Variants in SETD2 observed in about 807,000 individuals in gnomAD.
The protein encoded by SETD2 is SET domain containing 2, histone lysine methyltransferase.
SETD2 carries 31 observed loss-of-function variants against 242.1 expected under a neutral mutation model. That is an observed-to-expected ratio of 0.13 (90% confidence interval 0.10 to 0.17). The LOEUF (loss-of-function observed/expected upper bound fraction) is 0.17, where lower values mean the gene tolerates loss of function less well. Among genes scored for constraint, SETD2 ranks in the 10% least tolerant of loss-of-function variants. The pLI is 1.00. For synonymous variants in SETD2, 1,006 were observed against 1,066.5 expected, an observed-to-expected ratio of 0.94 and a Z score of 1.11; for missense variants, 2,481 against 3,046.3, an observed-to-expected ratio of 0.81 and a Z score of 4.37.
At chr3:47,041,386 G>A (rs1483213221) in intron 17 of SETD2, 8 of 447,558 alleles carry the variant, frequency 1.8e-5, no homozygotes, top group East Asian at 7.3e-5. Flanking sequence ...GGTGCCTCAC[G>A]CCTGTCATCC....
chr3:47,148,613 A>T (rs1358536323), intron 1 of SETD2, among the ~76,000 whole-genome samples: 1 of 152,244 alleles, frequency 6.6e-6, no homozygotes, highest in African/African-American at 2.4e-5. Context: ...ATGAACTTCA[A>T]ATAAATGCAC....
chr3:47,090,428 C>T (rs1369188451), intron 9 of SETD2, among the ~76,000 whole-genome samples: 5 of 151,906 alleles, frequency 3.3e-5, no homozygotes, highest in Admixed American at 1.3e-4. Context: ...TTCGCTCTGT[C>T]GCCCAGACTG....
chr3:47,162,824 T>A (rs1697530607), intron 1 of SETD2, among the ~76,000 whole-genome samples: 1 of 152,202 alleles, frequency 6.6e-6, no homozygotes, highest in Non-Finnish European at 1.5e-5. Flanking sequence ...AACAATGGTC[T>A]CGTGAGGGTT....
chr3:47,056,362 G>A (rs2040081860), intron 15 of SETD2, among the ~76,000 whole-genome samples: 10 of 151,860 alleles, frequency 6.6e-5, no homozygotes, highest in Admixed American at 6.6e-4. Flanking sequence ...CCTGACTTCA[G>A]GTGATCCGTC....
intron 16 of SETD2, among the ~76,000 whole-genome samples, 190 bp downstream of exon 16, chr3:47,046,297 G>T (rs1413050470): frequency 1.3e-5 from 2 of 148,518 alleles, no homozygotes; most frequent in Non-Finnish European, 3.0e-5. Context: ...AGATTGTGCC[G>T]CTGCACTCCA....
chr3:47,123,304 C>T lies in SETD2; in HGVS notation c.1332G>A (p.Thr444=), dbSNP rs1443239882. 23 of 1,551,606 alleles carry T rather than the reference C, an allele frequency of 1.5e-5. No homozygotes were observed. Among genetic ancestry groups the T allele is most frequent in the African/African-American group, 6.9e-5 (5 of 72,982 alleles). ...YHRSSPYRER[T]RYSRPYTDNR... ...TATCTGTGTATGGCCGAGAATAGCG[C>T]GTCCTCTCTCGATAAGGGGAGCTCC... is the stretch of plus-strand genomic sequence containing the variant. The change falls in exon 3 of 21, where the codon ACG becomes ACA. Residue 444 remains threonine, a synonymous_variant. Coordinates refer to ENST00000409792, the MANE Select transcript of SETD2 (RefSeq NM_014159.7).
intron 14 of SETD2, among the ~76,000 whole-genome samples, chr3:47,061,904 T>G (rs1280170288): frequency 3.3e-5 from 5 of 152,212 alleles, no homozygotes; most frequent in African/African-American, 1.2e-4. Flanking sequence ...AGAACAAATC[T>G]TTGGCTCCCA....
chr3:47,092,676 G>T (rs1317821194), intron 9 of SETD2, among the ~76,000 whole-genome samples: 2 of 151,736 alleles, frequency 1.3e-5, no homozygotes, highest in Non-Finnish European at 2.9e-5. Context: ...TGGCACTAAG[G>T]GGTCTAAGTA....
intron 18 of SETD2, among the ~76,000 whole-genome samples, chr3:47,021,609 T>C (rs1048812173): frequency 2.0e-5 from 3 of 151,904 alleles, no homozygotes; most frequent in African/African-American, 2.4e-5. Flanking sequence ...AAATGAGGGG[T>C]CCCCAGACTT....
Position 47,131,407 on chromosome 3 carries a change from G to T in SETD2, c.72-4744C>A, listed in dbSNP as rs899286485. Among the ~76,000 whole-genome samples the T allele has an allele frequency of 3.3e-5, 5 of 152,068 alleles. 1 individual carries two copies. The South Asian group carries it at 1.0e-3, about 32-fold the overall frequency. ...CGCCCAGGCTGGAGTGCAGTGGCGC[G>T]ATCTCAGCTCACTGCAAGCTCCGCC... On this transcript the variant is annotated intron_variant, in intron 1 of 20. Coordinates refer to ENST00000409792, the MANE Select transcript of SETD2 (RefSeq NM_014159.7).
chr3:47,062,232 C>T lies in SETD2; in HGVS notation c.6224G>A (p.Arg2075Lys), dbSNP rs2040364796. The change falls in exon 14 of 21, where the codon AGG (arginine) becomes AAG (lysine). Residue 2075 changes from arginine (R) to lysine (K), a missense_variant. Arg to Lys is a conservative substitution (Grantham distance 26, BLOSUM62 2). Coordinates refer to ENST00000409792, the MANE Select transcript of SETD2 (RefSeq NM_014159.7). ...PDKQTQNKEKRKRRSSLSPPS... is the reference protein window; with the variant it reads ...PDKQTQNKEKKKRRSSLSPPS... ...TGGTGAGAGGGAGCTTCTTCGTTTC[C>T]TTTTCTCTTTATTTTGAGTTTGCTT... 6.2e-7 allele frequency: 1 copy of T among 1,614,100 alleles called. No homozygotes were observed. The highest frequency in any genetic ancestry group is 1.1e-5 in the South Asian group (1 of 91,080).
intron 12 of SETD2, among the ~76,000 whole-genome samples, chr3:47,069,952 T>C (rs1466170952): frequency 6.6e-6 from 1 of 152,188 alleles, no homozygotes; most frequent in Non-Finnish European, 1.5e-5. Context: ...GACATTTGCA[T>C]TAGGTACTCT....
chr3:47,044,970 T>C (rs2039456456), intron 16 of SETD2, among the ~76,000 whole-genome samples: 1 of 152,190 alleles, frequency 6.6e-6, no homozygotes, highest in Non-Finnish European at 1.5e-5. Context: ...CAAGTGGTAA[T>C]TATAGTGCAG....
At chr3:47,045,171 A>G (rs1219224119) in intron 16 of SETD2, among the ~76,000 whole-genome samples, 10 of 152,096 alleles carry the variant, frequency 6.6e-5, no homozygotes, top group Non-Finnish European at 1.3e-4. Flanking sequence ...GCGGATCATG[A>G]GGTCAGGAGT....
At chr3:47,146,128 T>A (rs1013694422) in intron 1 of SETD2, among the ~76,000 whole-genome samples, 7 of 151,738 alleles carry the variant, frequency 4.6e-5, no homozygotes, top group Non-Finnish European at 7.4e-5. Flanking sequence ...TCCCATCTTG[T>A]ACTCTCAAAA....
rs150005700 is a variant in SETD2, at chr3:47,090,643, G to A, written c.5143-2396C>T. On this transcript the variant is annotated intron_variant, in intron 9 of 20. Transcript: ENST00000409792. ...CTGATCTTGTGATCTGCCCGCCTCA[G>A]CCTCCCAAAGTGCTAGGATTATAGC... 7.3e-3 allele frequency among the ~76,000 whole-genome samples: 1,107 copies of A among 152,170 alleles called. 17 individuals are homozygous for A. Among genetic ancestry groups the A allele is most frequent in the African/African-American group, 0.025 (1,049 of 41,514 alleles).
rs1340757729 is a variant in SETD2, at chr3:47,083,941, T to C, written c.5839A>G (p.Ser1947Gly). The C allele has an allele frequency of 6.2e-7, 1 of 1,614,202 alleles. No individual in the cohort carries two copies. Among genetic ancestry groups the C allele is most frequent in the Non-Finnish European group, 8.5e-7 (1 of 1,180,022 alleles). Residue 1947 changes from serine to glycine, a missense_variant, in exon 12 of 21, where the codon AGT becomes GGT. Around this residue, in one of 17 missense-constraint regions of SETD2, gnomAD observed 203 missense variants for 222.4 expected, o/e 0.91. Coordinates refer to ENST00000409792, the MANE Select transcript of SETD2 (RefSeq NM_014159.7). ...KVDSETNIEASKLPTSEPEAD... is the reference protein window; with the variant it reads ...KVDSETNIEAGKLPTSEPEAD... ...TCTGGTTCAGATGTAGGTAGCTTAC[T>C]AGCTTCTATGTTGGTTTCACTATCA...
chr3:47,023,946 T>C (rs1167103847), intron 18 of SETD2, among the ~76,000 whole-genome samples: 2 of 152,192 alleles, frequency 1.3e-5, no homozygotes, highest in Non-Finnish European at 2.9e-5. Flanking sequence ...GTATTCTTCT[T>C]TTGGTTGATT....
At chr3:47,103,944 C>T (rs1409240587) in intron 6 of SETD2, among the ~76,000 whole-genome samples, 3 of 152,180 alleles carry the variant, frequency 2.0e-5, no homozygotes, top group Non-Finnish European at 4.4e-5. Flanking sequence ...CTATTACATC[C>T]TAATCTCACT....
Sources: gnomAD v4.1 joint callset for allele counts (sites outside exome capture counted in the v4.1 genomes callset) on GRCh38, gnomAD v4.1.1 for gene constraint, gnomAD v4.1.1 regional missense constraint, MANE v1.5 for transcripts, NCBI Gene and HGNC (gene_info 2026-07-23, HGNC 2026-07-21) for gene names.